The following TRDN variants were observed in gnomAD, a reference collection of about 807,000 sequenced individuals.
TRDN encodes triadin in skeletal muscle.
Under a neutral mutation model 149.7 loss-of-function variants are expected in TRDN, and 161 were observed. That is an observed-to-expected ratio of 1.08 (90% CI 0.95 to 1.23). TRDN has a LOEUF of 1.23. Among genes scored for constraint, TRDN ranks in the 50% most tolerant of loss-of-function variants. The probability of loss-of-function intolerance (pLI) is 0.00; values close to 1 mark genes in which losing one functional copy is unlikely to be tolerated. For missense variants in TRDN, 896 were observed against 823.5 expected (o/e 1.09, Z -1.08); for synonymous variants, 294 against 250.5 (o/e 1.17, Z -1.64).
At chr6:123,270,546 T>G (rs1234180561) in intron 30 of TRDN, among the ~76,000 whole-genome samples, 1 of 151,994 alleles carries the variant, frequency 6.6e-6, no homozygotes, top group Non-Finnish European at 1.5e-5. Flanking sequence ...AGATGTGAAT[T>G]GATTTCAAGA....
chr6:123,316,964 C>T (rs7450006), intron 23 of TRDN, among the ~76,000 whole-genome samples: 27,461 of 151,368 alleles, frequency 0.18, 3,367 homozygotes, highest in East Asian at 0.6. Flanking sequence ...CTAGTATTTC[C>T]GTTAGTATCA....
intron 9 of TRDN, among the ~76,000 whole-genome samples, chr6:123,474,660 A>G (rs1389099099): frequency 6.6e-6 from 1 of 152,082 alleles, no homozygotes; most frequent in Admixed American, 6.6e-5. Context: ...TCCAAAATTG[A>G]CCACATACTT....
At chr6:123,286,928 T>C (rs1777823714) in intron 24 of TRDN, among the ~76,000 whole-genome samples, 1 of 152,058 alleles carries the variant, frequency 6.6e-6, no homozygotes, top group South Asian at 2.1e-4. Flanking sequence ...ACTCTGGAGG[T>C]GGGGCCCAGG....
intron 20 of TRDN, among the ~76,000 whole-genome samples, chr6:123,365,342 C>G (rs1375126362): frequency 2.0e-5 from 3 of 147,498 alleles, no homozygotes; most frequent in East Asian, 3.9e-4. Context: ...TATACTGTAT[C>G]AATAAACATA....
chr6:123,250,197 A>C (rs1776325671), intron 38 of TRDN, among the ~76,000 whole-genome samples: 1 of 152,156 alleles, frequency 6.6e-6, no homozygotes. Context: ...TGACGAGAAC[A>C]CAAACAAAAG....
intron 10 of TRDN, among the ~76,000 whole-genome samples, chr6:123,451,057 A>G (rs1775737239): frequency 6.6e-6 from 1 of 152,186 alleles, no homozygotes; most frequent in East Asian, 1.9e-4. Flanking sequence ...ACTGAATGAC[A>G]ATAATAACCA....
At chr6:123,337,295 CAG>C (rs1373599585) in intron 22 of TRDN, among the ~76,000 whole-genome samples, 15 of 151,940 alleles carry the variant, frequency 9.9e-5, no homozygotes, top group African/African-American at 3.4e-4. Flanking sequence ...AGGAGAGAAT[CAG>C]AGAATTTGGG....
At chr6:123,223,042 TTGG>T (rs1368965130) in intron 39 of TRDN, among the ~76,000 whole-genome samples, 1 of 151,808 alleles carries the variant, frequency 6.6e-6, no homozygotes, top group Non-Finnish European at 1.5e-5. Context: ...TTGTAGACTG[TTGG>T]TGGGTGTGCA....
rs1407658200 is a variant in TRDN, at chr6:123,464,987, C to T, written c.854-4G>A. ...GGTGGAATGGCTGGGCTTTGTCCTA[C>T]ACAATGTAGAAGTAGGAATTGGAAA... On this transcript the variant is annotated splice_region_variant and splice_polypyrimidine_tract_variant and intron_variant, in intron 9 of 40. Transcript: ENST00000334268. The T allele has an allele frequency of 3.8e-6, 6 of 1,583,342 alleles. No individual in the cohort carries two copies. In the Admixed American group the frequency reaches 5.4e-5, roughly 14 times the overall value.
At chr6:123,579,338 T>A (rs1003781703) in intron 1 of TRDN, among the ~76,000 whole-genome samples, 1 of 152,192 alleles carries the variant, frequency 6.6e-6, no homozygotes, top group Non-Finnish European at 1.5e-5. Context: ...TTATTGAGAA[T>A]TTTTAACATA....
At chr6:123,607,321 G>A (rs1460816559) in intron 1 of TRDN, among the ~76,000 whole-genome samples, 1 of 152,120 alleles carries the variant, frequency 6.6e-6, no homozygotes, top group Non-Finnish European at 1.5e-5. Context: ...GTGCTGGAAG[G>A]ACATAAACTC....
chr6:123,632,624 G>C (rs577085675), intron 1 of TRDN, among the ~76,000 whole-genome samples: 2 of 152,128 alleles, frequency 1.3e-5, no homozygotes, highest in South Asian at 4.2e-4. Context: ...GTGGTATGTT[G>C]CTTTATCAGG....
intron 9 of TRDN, among the ~76,000 whole-genome samples, chr6:123,474,872 A>G (rs1036313727): frequency 2.6e-5 from 4 of 152,282 alleles, no homozygotes; most frequent in Middle Eastern, 3.4e-3. Flanking sequence ...GTTCTTTGAA[A>G]CCAACGAGAA....
intron 35 of TRDN, among the ~76,000 whole-genome samples, chr6:123,257,330 G>C (rs1352346656): frequency 6.6e-6 from 1 of 152,078 alleles, no homozygotes; most frequent in South Asian, 2.1e-4. Context: ...GCATAAGGAA[G>C]GTGTCCAGTT....
chr6:123,253,528 AAGACTAACATGTTATT>A (rs1349863959), intron 37 of TRDN, among the ~76,000 whole-genome samples: 2 of 152,152 alleles, frequency 1.3e-5, no homozygotes, highest in Admixed American at 6.6e-5. Context: ...CTCTTTCACT[AAGACTAACATGTTATT>A]ATTTTTTTCT....
chr6:123,583,050 G>A (rs1266386995), intron 1 of TRDN, among the ~76,000 whole-genome samples: 3 of 152,128 alleles, frequency 2.0e-5, no homozygotes, highest in African/African-American at 7.2e-5. Context: ...AGGTATAAAA[G>A]GTCTAAGAAT....
intron 9 of TRDN, among the ~76,000 whole-genome samples, chr6:123,485,286 A>T (rs529174201): frequency 1.3e-5 from 2 of 152,268 alleles, no homozygotes; most frequent in South Asian, 4.1e-4. Context: ...ATAACCAATA[A>T]CTCCTTTAAG....
In TRDN at chr6:123,216,830, T is replaced by C. The variant is rs1774986477; in HGVS notation, c.*1771A>G. ...CAATACAGCACCTAACACAGCGCCC[T>C]AAAAGAGTAGGTATTCAATAAACAG... On this transcript the variant is annotated 3_prime_UTR_variant, in exon 41 of 41. Transcript: ENST00000334268. 6.6e-6 allele frequency: 1 copy of C among 151,944 alleles called. No homozygotes were observed. 9.4% of individuals were successfully genotyped at this position (151,944 alleles called of 1,614,324 possible). A position where few individuals can be genotyped will look rare whatever the true frequency, so the allele number is the denominator to read the frequency against.
chr6:123,590,852 C>T (rs1300941715), intron 1 of TRDN, among the ~76,000 whole-genome samples: 2 of 152,140 alleles, frequency 1.3e-5, no homozygotes, highest in African/African-American at 2.4e-5. Flanking sequence ...ATGTCCCCTG[C>T]CCTGGCCTGT....
Sources: gnomAD v4.1 joint callset for allele counts (sites outside exome capture counted in the v4.1 genomes callset) on GRCh38, gnomAD v4.1.1 for gene constraint, MANE v1.5 for transcripts, NCBI Gene and HGNC (gene_info 2026-07-23, HGNC 2026-07-21) for gene names.